HK2: variants seen among roughly 807,000 people sequenced by gnomAD.
The protein encoded by HK2 is hexokinase 2.
Under a neutral mutation model 92.9 loss-of-function variants are expected in HK2, and 42 were observed. That is an observed-to-expected ratio of 0.45 (90% confidence interval 0.35 to 0.58). The LOEUF (loss-of-function observed/expected upper bound fraction) is 0.58. Among genes scored for constraint, HK2 ranks in the 20% least tolerant of loss-of-function variants. HK2 has a pLI of 0.00. For missense variants in HK2, 978 were observed against 1,245.1 expected (o/e 0.79, Z 3.23); for synonymous variants, 422 against 468.0 (o/e 0.90, Z 1.27).
intron 1 of HK2, among the ~76,000 whole-genome samples, chr2:74,848,850 G>A (rs1558789603): frequency 6.6e-6 from 1 of 152,182 alleles, no homozygotes; most frequent in African/African-American, 2.4e-5. Context: ...GAATGAGATG[G>A]GCGCTTCTGG....
chr2:74,879,943 G>A (rs900381620), intron 9 of HK2, among the ~76,000 whole-genome samples: 9 of 152,248 alleles, frequency 5.9e-5, no homozygotes, highest in African/African-American at 1.9e-4. Flanking sequence ...ATGGTACCAT[G>A]TTGGGCAAGG....
In HK2 at chr2:74,854,537, C is replaced by T. The variant is rs529443537; in HGVS notation, c.226+82C>T. On this transcript the variant is annotated intron_variant, in intron 2 of 17. Transcript: ENST00000290573. ...GCTTTGCTCAGGGACCCAAATAACTCAAAAGCCTCAGAAACCAACCCTGGC... is the reference window on the plus strand; with the variant it reads ...GCTTTGCTCAGGGACCCAAATAACTTAAAAGCCTCAGAAACCAACCCTGGC... 1.4e-4 allele frequency: 219 copies of T among 1,516,364 alleles called. 1 individual carries two copies. In the Middle Eastern group the frequency reaches 4.7e-3, roughly 33 times the overall value. 93.9% of individuals were successfully genotyped at this position (1,516,364 alleles called of 1,614,324 possible).
At chr2:74,837,513 TG>T (rs1267831210) in intron 1 of HK2, among the ~76,000 whole-genome samples, 1 of 152,140 alleles carries the variant, frequency 6.6e-6, no homozygotes, top group Non-Finnish European at 1.5e-5. Flanking sequence ...CTGCTAAGGG[TG>T]TCCCTAAAAC....
chr2:74,855,204 A>G (rs1314913197), intron 2 of HK2, among the ~76,000 whole-genome samples: 1 of 152,170 alleles, frequency 6.6e-6, no homozygotes, highest in Non-Finnish European at 1.5e-5. Context: ...CATGTTGGTC[A>G]GGTTGGTCTC....
intron 2 of HK2, 23 bp downstream of exon 2, chr2:74,854,478 C>T (rs1688648065): frequency 1.9e-6 from 3 of 1,613,898 alleles, no homozygotes; most frequent in African/African-American, 1.3e-5. Context: ...GGGGATGGCT[C>T]TAGCTGCTGC....
intron 1 of HK2, among the ~76,000 whole-genome samples, chr2:74,852,015 G>A (rs1688582369): frequency 6.6e-6 from 1 of 152,198 alleles, no homozygotes; most frequent in Non-Finnish European, 1.5e-5. Flanking sequence ...TCTCTATCAA[G>A]CCAAACGTGG....
Position 74,834,370 on chromosome 2 carries a change from A to G in HK2, c.-211A>G. ...GGAGAGAACTGAGGCGCCTTCTAGC[A>G]GTTGTGACGCCAAAATCACGTCTCC... On this transcript the variant is annotated 5_prime_UTR_variant, in exon 1 of 18. Transcript: ENST00000290573. The surrounding 1 kb of genome is among the most constrained non-coding windows in gnomAD (Gnocchi z 4.2). 1 of 626,072 alleles carries G rather than the reference A, an allele frequency of 1.6e-6. No individual in the cohort carries two copies. The highest frequency in any genetic ancestry group is 1.8e-5 in the South Asian group (1 of 55,830). 38.8% of individuals were successfully genotyped at this position (626,072 alleles called of 1,614,324 possible). A position where few individuals can be genotyped will look rare whatever the true frequency, so the allele number is the denominator to read the frequency against.
rs1464651538 is a variant in HK2, at chr2:74,886,508, G to A, written c.2054G>A (p.Cys685Tyr). The A allele has an allele frequency of 1.2e-6, 2 of 1,613,926 alleles. No individual in the cohort carries two copies. Among genetic ancestry groups the A allele is most frequent in the African/African-American group, 2.7e-5 (2 of 74,894 alleles). ...TTGGCAGGCACGGGCAGCAATGCCT[G>A]CTACATGGAGGAGATGCGCAACGTG... is the stretch of plus-strand genomic sequence containing the variant. Reference protein sequence around the residue: ...GLIVGTGSNACYMEEMRNVEL... With the variant: ...GLIVGTGSNAYYMEEMRNVEL... Residue 685 changes from cysteine (C) to tyrosine (Y), a missense_variant, in exon 15 of 18, where the codon TGC becomes TAC. Cys to Tyr is a radical substitution (Grantham distance 194, BLOSUM62 -2). Transcript: ENST00000290573.
At chr2:74,869,183 G>T (rs1377681669) in intron 3 of HK2, among the ~76,000 whole-genome samples, 1 of 151,382 alleles carries the variant, frequency 6.6e-6, no homozygotes, top group Non-Finnish European at 1.5e-5. Flanking sequence ...ATATTAGAAA[G>T]ATTTTAAGTA....
chr2:74,839,539 G>A (rs1453339344), intron 1 of HK2, among the ~76,000 whole-genome samples: 1 of 152,020 alleles, frequency 6.6e-6, no homozygotes, highest in African/African-American at 2.4e-5. Flanking sequence ...GGAATACTTT[G>A]TAGCTTTTGT....
At chr2:74,864,905 G>A (rs1040760490) in intron 2 of HK2, among the ~76,000 whole-genome samples, 2 of 152,226 alleles carry the variant, frequency 1.3e-5, no homozygotes, top group Non-Finnish European at 2.9e-5. Context: ...TTCTACAGGT[G>A]AGGTGACATG....
intron 1 of HK2, among the ~76,000 whole-genome samples, chr2:74,846,571 T>A (rs1353245479): frequency 6.6e-6 from 1 of 152,226 alleles, no homozygotes; most frequent in Non-Finnish European, 1.5e-5. Context: ...AGTGTTTTAC[T>A]GTATTTTGAG....
intron 1 of HK2, chr2:74,835,157 CGAG>C (rs911141689): frequency 1.1e-5 from 2 of 183,994 alleles, no homozygotes; most frequent in Non-Finnish European, 2.3e-5. Context: ...GGGGTGGGCT[CGAG>C]GAGAAGCTGA....
In HK2 at chr2:74,849,456, C is replaced by T. The variant is rs566891666; in HGVS notation, c.64-4837C>T. 5.3e-5 allele frequency among the ~76,000 whole-genome samples: 8 copies of T among 152,312 alleles called. No individual in the cohort carries two copies. The South Asian group carries it at 8.3e-4, about 16-fold the overall frequency. ...TTGGCAGGCAGACGGGAAGGTAACC[C>T]GTTCTTCAGCCAGGCTTTGCTCTGG... is the stretch of plus-strand genomic sequence containing the variant. On this transcript the variant is annotated intron_variant, in intron 1 of 17. Transcript: ENST00000290573.
chr2:74,849,935 G>C (rs928686875), intron 1 of HK2, among the ~76,000 whole-genome samples: 3 of 152,240 alleles, frequency 2.0e-5, no homozygotes, highest in Non-Finnish European at 4.4e-5. Flanking sequence ...ACCTGAATGA[G>C]TCTGCTTTGA....
chr2:74,867,232 A>G (rs1030255296), intron 2 of HK2, among the ~76,000 whole-genome samples: 1 of 152,242 alleles, frequency 6.6e-6, no homozygotes, highest in African/African-American at 2.4e-5. Context: ...AGCAACCTGG[A>G]TGGGATTGGA....
Position 74,834,695 on chromosome 2 carries a change from C to T in HK2, c.63+52C>T. ...GCTGGGCTCTGGCAAAGTGGTCTGGCCTCCATCAGTCTCTTCCTCGACCCT... is the reference window on the plus strand; with the variant it reads ...GCTGGGCTCTGGCAAAGTGGTCTGGTCTCCATCAGTCTCTTCCTCGACCCT... On this transcript the variant is annotated intron_variant, in intron 1 of 17. Coordinates refer to ENST00000290573, the MANE Select transcript of HK2 (RefSeq NM_000189.5). The surrounding 1 kb of genome is among the most constrained non-coding windows in gnomAD (Gnocchi z 4.2). 1 of 1,575,994 alleles carries T rather than the reference C, an allele frequency of 6.3e-7. No individual in the cohort carries two copies. The highest frequency in any genetic ancestry group is 2.2e-5 in the East Asian group (1 of 44,666).
chr2:74,847,609 AG>A (rs1294089128), intron 1 of HK2, among the ~76,000 whole-genome samples: 1 of 152,174 alleles, frequency 6.6e-6, no homozygotes, highest in Non-Finnish European at 1.5e-5. Context: ...TCATGAGCCC[AG>A]GAGTTTAAGG....
chr2:74,868,996 A>T (rs1689030310), intron 3 of HK2, among the ~76,000 whole-genome samples: 1 of 152,226 alleles, frequency 6.6e-6, no homozygotes. Context: ...TCCATTTTAA[A>T]CATTCAAGAT....
Sources: gnomAD v4.1 joint callset for allele counts (sites outside exome capture counted in the v4.1 genomes callset) on GRCh38, gnomAD v4.1.1 for gene constraint, Gnocchi (gnomAD v3.1) non-coding constraint, MANE v1.5 for transcripts, NCBI Gene and HGNC (gene_info 2026-07-23, HGNC 2026-07-21) for gene names.